Variants in MEOX2 observed in about 807,000 individuals in gnomAD.
The protein encoded by MEOX2 is mesenchyme homeobox 2.
A neutral mutation model predicts 27.0 loss-of-function variants in MEOX2; 11 were observed. That is an observed-to-expected ratio of 0.41 (90% confidence interval 0.26 to 0.68). MEOX2 has a LOEUF of 0.68. Among genes scored for constraint, MEOX2 ranks in the 30% least tolerant of loss-of-function variants. The probability of loss-of-function intolerance (pLI) is 0.33; values close to 1 mark genes in which losing one functional copy is unlikely to be tolerated. For synonymous variants in MEOX2, 189 were observed against 155.4 expected (o/e 1.22, Z -1.61); for missense variants, 436 against 385.4 (o/e 1.13, Z -1.10).
At chr7:15,653,254 C>T (rs1781767870) in intron 1 of MEOX2, among the ~76,000 whole-genome samples, 1 of 151,922 alleles carries the variant, frequency 6.6e-6, no homozygotes, top group Non-Finnish European at 1.5e-5. Context: ...TAACACTTGT[C>T]ATGTATTTAT....
At position 15,612,066 on chromosome 7, in the gene MEOX2, G is replaced by T. The variant is rs1435742270; in HGVS notation, c.*321C>A. On this transcript the variant is annotated 3_prime_UTR_variant, in exon 3 of 3. Transcript: ENST00000262041. Reference sequence around the variant, plus strand: ...CTGGAGACATCTTGAATAAAAAACCGTTCATAGTTTGCTCTTGATAGCAAT... The same window carrying T: ...CTGGAGACATCTTGAATAAAAAACCTTTCATAGTTTGCTCTTGATAGCAAT... The T allele has an allele frequency of 6.2e-6, 2 of 320,030 alleles. No homozygotes were observed. Among genetic ancestry groups the T allele is most frequent in the South Asian group, 9.0e-5 (2 of 22,172 alleles). 19.8% of individuals were successfully genotyped at this position (320,030 alleles called of 1,614,324 possible).
At chr7:15,643,373 C>G (rs934253688) in intron 1 of MEOX2, among the ~76,000 whole-genome samples, 1 of 152,196 alleles carries the variant, frequency 6.6e-6, no homozygotes, top group African/African-American at 2.4e-5. Flanking sequence ...CCACCAGGCT[C>G]TCCAAGGCAG....
intron 1 of MEOX2, chr7:15,681,574 T>C (rs1782292222): frequency 6.6e-6 from 1 of 151,868 alleles, no homozygotes; most frequent in South Asian, 2.1e-4. Flanking sequence ...ATTTCATTTT[T>C]GCTTAAAATT....
chr7:15,620,083 T>A (rs549796978), intron 2 of MEOX2, among the ~76,000 whole-genome samples: 1 of 152,186 alleles, frequency 6.6e-6, no homozygotes, highest in South Asian at 2.1e-4. Context: ...ATCAGGAATG[T>A]CTCTTTATAT....
intron 1 of MEOX2, among the ~76,000 whole-genome samples, chr7:15,654,887 T>A (rs1024909068): frequency 6.6e-6 from 1 of 151,764 alleles, no homozygotes; most frequent in African/African-American, 2.4e-5. Context: ...ATTACAATAA[T>A]ACTATCTTTA....
intron 1 of MEOX2, among the ~76,000 whole-genome samples, chr7:15,644,633 A>G (rs1781615350): frequency 6.6e-6 from 1 of 152,170 alleles, no homozygotes; most frequent in Admixed American, 6.5e-5. Context: ...TGCTCTGGAC[A>G]TGATTTGGAT....
chr7:15,637,546 A>G (rs944196973), intron 1 of MEOX2, among the ~76,000 whole-genome samples: 1 of 151,910 alleles, frequency 6.6e-6, no homozygotes, highest in African/African-American at 2.4e-5. Context: ...ACACACACGC[A>G]CACACACACA....
intron 1 of MEOX2, among the ~76,000 whole-genome samples, chr7:15,635,971 C>T (rs1024512360): frequency 6.6e-6 from 1 of 151,810 alleles, no homozygotes; most frequent in South Asian, 2.1e-4. Flanking sequence ...CTGGCATACC[C>T]AATAAAACGG....
At chr7:15,667,289 C>CAAAAAGAAAAAAAAAAAAAAAAA (rs1782023530) in intron 1 of MEOX2, among the ~76,000 whole-genome samples, 1 of 40,980 alleles carries the variant, frequency 2.4e-5, no homozygotes, top group Admixed American at 4.3e-4. Flanking sequence ...GACTCTGTCT[C>CAAAAAGAAAAAAAAAAAAAAAAA]AAAAAAAAAA....
chr7:15,676,165 G>C (rs1782188777), intron 1 of MEOX2: 1 of 152,150 alleles, frequency 6.6e-6, no homozygotes, highest in African/African-American at 2.4e-5. Context: ...CCAGGGGTTT[G>C]TTGTTCTCTT....
At chr7:15,643,043 AATT>A (rs1781587346) in intron 1 of MEOX2, among the ~76,000 whole-genome samples, 1 of 152,146 alleles carries the variant, frequency 6.6e-6, no homozygotes, top group Admixed American at 6.5e-5. Flanking sequence ...TTCTGTCAAC[AATT>A]ATATTGGGTC....
At chr7:15,682,470 A>G (rs560391233) in intron 1 of MEOX2, among the ~76,000 whole-genome samples, 1 of 152,062 alleles carries the variant, frequency 6.6e-6, no homozygotes, top group South Asian at 2.1e-4. Context: ...TATAAATAAA[A>G]TATTTGTAAT....
chr7:15,645,598 A>T (rs920270860), intron 1 of MEOX2, among the ~76,000 whole-genome samples: 1 of 152,162 alleles, frequency 6.6e-6, no homozygotes, highest in Non-Finnish European at 1.5e-5. Flanking sequence ...AAGCAAACAG[A>T]AATGTAAAGA....
chr7:15,652,813 T>C (rs1012933009), intron 1 of MEOX2, among the ~76,000 whole-genome samples: 4 of 152,012 alleles, frequency 2.6e-5, no homozygotes, highest in African/African-American at 9.7e-5. Flanking sequence ...AACAGCTCCC[T>C]CCTCTTTAAT....
rs62439048 is a variant in MEOX2 at position 15,644,539 on chromosome 7, G to A, written c.518-17621C>T. ...TCCAAGAAAAGGTGAATCTGCTCCT[G>A]CACCTTGGACAGATCTGCAGCACAG... is the stretch of plus-strand genomic sequence containing the variant. On this transcript the variant is annotated intron_variant, in intron 1 of 2. Transcript: ENST00000262041. Among the ~76,000 whole-genome samples, 9 of 152,260 alleles carry A rather than the reference G, an allele frequency of 5.9e-5. No homozygotes were observed. In the South Asian group the frequency reaches 1.9e-3, roughly 32 times the overall value.
chr7:15,616,074 T>G (rs899452226), intron 2 of MEOX2, among the ~76,000 whole-genome samples: 2 of 151,784 alleles, frequency 1.3e-5, no homozygotes, highest in African/African-American at 4.8e-5. Flanking sequence ...TTAAAATAGA[T>G]TGAAAAAAGA....
chr7:15,642,818 A>G (rs924481135), intron 1 of MEOX2, among the ~76,000 whole-genome samples: 1 of 152,140 alleles, frequency 6.6e-6, no homozygotes, highest in Non-Finnish European at 1.5e-5. Flanking sequence ...TATGCTGGGT[A>G]GGTCCCTTTA....
intron 2 of MEOX2, among the ~76,000 whole-genome samples, chr7:15,616,446 C>A (rs1204385549): frequency 1.3e-5 from 2 of 151,410 alleles, no homozygotes; most frequent in Non-Finnish European, 3.0e-5. Flanking sequence ...ATTAGCAATC[C>A]CCCCAACAAA....
chr7:15,677,841 A>T (rs1255575673), intron 1 of MEOX2, among the ~76,000 whole-genome samples: 3 of 152,240 alleles, frequency 2.0e-5, no homozygotes, highest in East Asian at 3.8e-4. Context: ...ATAATTAAGA[A>T]ATAGGATAAA....
Sources: gnomAD v4.1 joint callset for allele counts (sites outside exome capture counted in the v4.1 genomes callset) on GRCh38, gnomAD v4.1.1 for gene constraint, MANE v1.5 for transcripts, NCBI Gene and HGNC (gene_info 2026-07-23, HGNC 2026-07-21) for gene names.